Variants in TAS1R1 observed in about 807,000 individuals in gnomAD.
The protein encoded by TAS1R1 is taste 1 receptor member 1.
In TAS1R1, 31 loss-of-function variants were observed where a neutral mutation model predicts 45.8. The observed-to-expected ratio is 0.68, with a 90% CI of 0.51 to 0.91. The LOEUF (loss-of-function observed/expected upper bound fraction) is 0.91, where lower values mean the gene tolerates loss of function less well. TAS1R1 is among the 40% of genes least tolerant of loss of function. The probability of loss-of-function intolerance (pLI) is 0.00; values close to 1 mark genes in which losing one functional copy is unlikely to be tolerated. For synonymous variants in TAS1R1, 437 were observed against 448.4 expected, an observed-to-expected ratio of 0.97 and a Z score of 0.32; for missense variants, 1,051 against 1,063.9, an observed-to-expected ratio of 0.99 and a Z score of 0.17.
chr1:6,563,994 G>A (rs557684192), intron 1 of TAS1R1, among the ~76,000 whole-genome samples: 1 of 152,280 alleles, frequency 6.6e-6, no homozygotes, highest in Admixed American at 6.5e-5. Context: ...TTGTCAGGAG[G>A]AGAAGGAGGA....
chr1:6,579,108 A>G lies in TAS1R1; in HGVS notation c.2050A>G (p.Met684Val). 1 of 1,614,152 alleles carries G rather than the reference A, an allele frequency of 6.2e-7. No homozygotes were observed. Among genetic ancestry groups the G allele is most frequent in the Non-Finnish European group, 8.5e-7 (1 of 1,180,042 alleles). ...VQNHGAGLFVMISSAAQLLIC... is the reference protein window; with the variant it reads ...VQNHGAGLFVVISSAAQLLIC... ...AAACCACGGTGCTGGCCTGTTTGTG[A>G]TGATCAGCTCAGCGGCCCAGCTGCT... Residue 684 changes from methionine to valine, a missense_variant, in exon 6 of 6, where the codon ATG becomes GTG. Physicochemically the swap from Met to Val is conservative, Grantham distance 21. Transcript: ENST00000333172.
At position 6,562,027 on chromosome 1, in the gene TAS1R1, T is replaced by A. The variant is rs1570107771; in HGVS notation, c.191+6463T>A. Among the ~76,000 whole-genome samples the A allele has an allele frequency of 2.6e-5, 4 of 152,052 alleles. No homozygotes were observed. The South Asian group carries it at 8.3e-4, about 32-fold the overall frequency. ...GAAACAGGTGGTGAGGATGTGGGGG[T>A]TGAAAGGAAGCACTGTATCAAGTGA... On this transcript the variant is annotated intron_variant, in intron 1 of 5. Coordinates refer to ENST00000333172, the MANE Select transcript of TAS1R1 (RefSeq NM_138697.4).
At chr1:6,560,279 A>G (rs980980739) in intron 1 of TAS1R1, among the ~76,000 whole-genome samples, 7 of 152,202 alleles carry the variant, frequency 4.6e-5, no homozygotes, top group Admixed American at 3.9e-4. Context: ...CCTGGGCAAC[A>G]AGAGCGAAAC....
At chr1:6,559,129 G>A (rs1371753450) in intron 1 of TAS1R1, among the ~76,000 whole-genome samples, 5 of 151,928 alleles carry the variant, frequency 3.3e-5, no homozygotes, top group East Asian at 2.0e-4. Flanking sequence ...TCCTGACCTC[G>A]TGATCCACCC....
chr1:6,578,244 G>A (rs1371211258), intron 5 of TAS1R1, among the ~76,000 whole-genome samples: 1 of 152,166 alleles, frequency 6.6e-6, no homozygotes, highest in East Asian at 1.9e-4. Flanking sequence ...AGAGGGTCAG[G>A]ACTCAGAGAA....
intron 1 of TAS1R1, among the ~76,000 whole-genome samples, chr1:6,559,658 CAA>C (rs769420972): frequency 2.0e-4 from 20 of 100,418 alleles, no homozygotes; most frequent in Admixed American, 4.1e-4. Flanking sequence ...GACTCCCTCT[CAA>C]AAAAAAAAAA....
At chr1:6,560,609 G>A (rs920538257) in intron 1 of TAS1R1, among the ~76,000 whole-genome samples, 3 of 152,196 alleles carry the variant, frequency 2.0e-5, no homozygotes, top group Non-Finnish European at 2.9e-5. Context: ...GGCCTTTGCC[G>A]GGTTGGGTCC....
At chr1:6,564,344 GAGA>G (rs958598457) in intron 1 of TAS1R1, among the ~76,000 whole-genome samples, 6 of 152,242 alleles carry the variant, frequency 3.9e-5, no homozygotes, top group African/African-American at 1.4e-4. Context: ...CTTGTTCGTG[GAGA>G]AGATGGTGGA....
intron 1 of TAS1R1, among the ~76,000 whole-genome samples, chr1:6,559,697 G>A (rs1337572152): frequency 6.6e-6 from 1 of 151,574 alleles, no homozygotes; most frequent in Non-Finnish European, 1.5e-5. Context: ...GCCGGGCGAG[G>A]TGGTTCACGC....
intron 1 of TAS1R1, among the ~76,000 whole-genome samples, chr1:6,566,095 C>T (rs930222991): frequency 2.0e-5 from 3 of 152,140 alleles, no homozygotes; most frequent in African/African-American, 7.2e-5. Flanking sequence ...GGAAGGACTA[C>T]AGAGGAGGAG....
Position 6,575,013 on chromosome 1 carries a change from G to A in TAS1R1, c.881G>A (p.Gly294Asp), listed in dbSNP as rs2148675117. 1.9e-6 allele frequency: 3 copies of A among 1,588,824 alleles called. No homozygotes were observed. The highest frequency in any genetic ancestry group is 3.4e-4 in the Middle Eastern group (2 of 5,936). The change falls in exon 3 of 6, where the codon GGC (glycine) becomes GAC (aspartate). Residue 294 changes from glycine (G) to aspartate (D), a missense_variant. By Grantham distance (94) the Gly-to-Asp change is moderately conservative. Coordinates refer to ENST00000333172, the MANE Select transcript of TAS1R1 (RefSeq NM_138697.4). ...FESVVLTNLT[G>D]KVWVASEAWA... Reference sequence around the variant, plus strand: ...TCCGTGGTGCTGACCAACCTGACTGGCAAGGTGTGGGTCGCCTCAGAAGCC... The same window carrying A: ...TCCGTGGTGCTGACCAACCTGACTGACAAGGTGTGGGTCGCCTCAGAAGCC...
chr1:6,579,620 T>C lies in TAS1R1; in HGVS notation c.*36T>C. ...AGCAGGCACGGCTGGCAGCCTTCTC[T>C]GCCCTGAGGGTCGAAGGTCGAGCAG... On this transcript the variant is annotated 3_prime_UTR_variant, in exon 6 of 6. Coordinates refer to ENST00000333172, the MANE Select transcript of TAS1R1 (RefSeq NM_138697.4). The C allele has an allele frequency of 1.3e-6, 2 of 1,571,526 alleles. No homozygotes were observed. Among genetic ancestry groups the C allele is most frequent in the Non-Finnish European group, 1.7e-6 (2 of 1,163,176 alleles).
Position 6,555,356 on chromosome 1 carries a change from C to T in TAS1R1, c.-18C>T, listed in dbSNP as rs1639653751. On this transcript the variant is annotated 5_prime_UTR_variant, in exon 1 of 6. Transcript: ENST00000333172. ...GAGGCCACTCCTTGGCCATGCCAGG[C>T]GCGGGCATCTGGCCAGCATGCTGCT... 7 of 1,558,716 alleles carry T rather than the reference C, an allele frequency of 4.5e-6. No individual in the cohort carries two copies. The highest frequency in any genetic ancestry group is 5.2e-6 in the Non-Finnish European group (6 of 1,149,218).
intron 1 of TAS1R1, among the ~76,000 whole-genome samples, chr1:6,559,993 T>C (rs1269071585): frequency 2.0e-5 from 2 of 98,476 alleles, no homozygotes; most frequent in Admixed American, 1.3e-4. Flanking sequence ...AGTGAAACTC[T>C]GTCTCAAAAA....
At chr1:6,569,885 T>C (rs192582190) in intron 1 of TAS1R1, among the ~76,000 whole-genome samples, 2 of 152,106 alleles carry the variant, frequency 1.3e-5, no homozygotes, top group East Asian at 3.9e-4. Context: ...TGAATGAGGT[T>C]GCCAATAATG....
At chr1:6,555,860 C>T (rs935982072) in intron 1 of TAS1R1, among the ~76,000 whole-genome samples, 1 of 109,578 alleles carries the variant, frequency 9.1e-6, no homozygotes, top group African/African-American at 3.5e-5. Context: ...CAGCTTTTTC[C>T]CTCTTCTTTT....
At chr1:6,568,243 A>G (rs754717583) in intron 1 of TAS1R1, among the ~76,000 whole-genome samples, 2 of 151,978 alleles carry the variant, frequency 1.3e-5, no homozygotes, top group Non-Finnish European at 2.9e-5. Context: ...AGGTCAGGAT[A>G]TTGAGACCAT....
chr1:6,565,034 A>C (rs1639851402), intron 1 of TAS1R1, among the ~76,000 whole-genome samples: 1 of 152,070 alleles, frequency 6.6e-6, no homozygotes, highest in African/African-American at 2.4e-5. Flanking sequence ...GAGTAGGTAC[A>C]GGGGGCACGC....
chr1:6,567,553 C>G (rs1341988718), intron 1 of TAS1R1, among the ~76,000 whole-genome samples: 1 of 115,052 alleles, frequency 8.7e-6, no homozygotes, highest in Non-Finnish European at 1.9e-5. Flanking sequence ...GAGTGAGACT[C>G]CGTCTCAAAG....
Sources: allele counts gnomAD v4.1 joint callset (sites outside exome capture counted in the v4.1 genomes callset), GRCh38; gene constraint gnomAD v4.1.1; transcripts MANE v1.5; gene names NCBI Gene and HGNC (gene_info 2026-07-23, HGNC 2026-07-21).